Variants in NEDD4L observed in about 807,000 individuals in gnomAD.
NEDD4L encodes the protein NEDD4 like E3 ubiquitin protein ligase.
A neutral mutation model predicts 148.9 loss-of-function variants in NEDD4L; 54 were observed. The ratio of observed to expected loss-of-function variants is 0.36; its 90% confidence interval spans 0.29 to 0.45. The LOEUF is 0.45. NEDD4L is among the 20% of genes least tolerant of loss of function. The probability of loss-of-function intolerance (pLI) is 1.00; values close to 1 mark genes in which losing one functional copy is unlikely to be tolerated. For synonymous variants in NEDD4L, 433 were observed against 440.7 expected, an observed-to-expected ratio of 0.98 and a Z score of 0.22; for missense variants, 856 against 1,233.8, an observed-to-expected ratio of 0.69 and a Z score of 4.59.
At chr18:58,211,110 A>G (rs522155) in intron 2 of NEDD4L, among the ~76,000 whole-genome samples, 66,747 of 152,102 alleles carry the variant, frequency 0.44, 15,951 homozygotes, top group African/African-American at 0.64. Context: ...TAAAGGCCAT[A>G]TATGTGTACA....
At chr18:58,142,064 T>TTTTTTA (rs71173033) in intron 1 of NEDD4L, among the ~76,000 whole-genome samples, 1 of 137,794 alleles carries the variant, frequency 7.3e-6, no homozygotes, top group Admixed American at 7.3e-5. Flanking sequence ...TTTTTTTTTT[T>TTTTTTA]GAGACAGAGT....
At chr18:58,265,621 G>A (rs964782860) in intron 5 of NEDD4L, among the ~76,000 whole-genome samples, 2 of 152,002 alleles carry the variant, frequency 1.3e-5, no homozygotes, top group African/African-American at 4.8e-5. Context: ...CTGGAGTACG[G>A]TGGCGTTAAG....
chr18:58,322,783 G>A (rs1294462489), intron 7 of NEDD4L, among the ~76,000 whole-genome samples: 30 of 139,546 alleles, frequency 2.1e-4, no homozygotes, highest in Admixed American at 3.6e-4. Context: ...GTGGATATGG[G>A]TGGGTGGGGA....
intron 5 of NEDD4L, among the ~76,000 whole-genome samples, chr18:58,301,211 T>G (rs1298788922): frequency 6.6e-6 from 1 of 152,194 alleles, no homozygotes; most frequent in Non-Finnish European, 1.5e-5. Flanking sequence ...TCTGAATATA[T>G]CAGTTTAGCC....
At chr18:58,165,710 ATTACT>A (rs768414804) in intron 1 of NEDD4L, 73 bp from the exon 2 acceptor site, 12 of 1,522,034 alleles carry the variant, frequency 7.9e-6, no homozygotes, top group African/African-American at 2.7e-5. Flanking sequence ...GTAGAAATCA[ATTACT>A]TTAATATTGG....
chr18:58,167,454 G>T (rs2037001094), intron 2 of NEDD4L, among the ~76,000 whole-genome samples: 1 of 152,154 alleles, frequency 6.6e-6, no homozygotes, highest in Non-Finnish European at 1.5e-5. Flanking sequence ...CCCACCTTAT[G>T]CCCTGCCTTT....
At chr18:58,287,094 C>CTTTTTTTTT (rs577731926) in intron 5 of NEDD4L, among the ~76,000 whole-genome samples, 2 of 136,534 alleles carry the variant, frequency 1.5e-5, no homozygotes, top group Non-Finnish European at 1.6e-5. Context: ...ACTTCTTTTT[C>CTTTTTTTTT]TTTTTTTTTT....
rs375070582 is a variant in NEDD4L, at chr18:58,376,924, A to G, written c.2352+3655A>G. On this transcript the variant is annotated intron_variant, in intron 24 of 30. Coordinates refer to ENST00000400345, the MANE Select transcript of NEDD4L (RefSeq NM_001144967.3). ...GCTTTCTCTTCCATCTGTTGGGAGC[A>G]TACTCCCTCCCAGTCTCAGTTCAGG... is the stretch of plus-strand genomic sequence containing the variant. 3.3e-4 allele frequency among the ~76,000 whole-genome samples: 50 copies of G among 152,280 alleles called. No homozygotes were observed. In the East Asian group the frequency reaches 6.7e-3, roughly 21 times the overall value.
At chr18:58,048,375 A>G (rs965753215) in intron 1 of NEDD4L, among the ~76,000 whole-genome samples, 1 of 152,108 alleles carries the variant, frequency 6.6e-6, no homozygotes, top group East Asian at 1.9e-4. Context: ...GCGCCATGAG[A>G]GCAAAGTGCT....
At chr18:58,241,634 T>G (rs1159313035) in intron 2 of NEDD4L, among the ~76,000 whole-genome samples, 1 of 151,826 alleles carries the variant, frequency 6.6e-6, no homozygotes, top group Non-Finnish European at 1.5e-5. Flanking sequence ...GGACCACTGC[T>G]GCTGACTGCT....
intron 19 of NEDD4L, among the ~76,000 whole-genome samples, chr18:58,357,782 A>G (rs2044887112): frequency 6.6e-6 from 1 of 152,210 alleles, no homozygotes; most frequent in Admixed American, 6.5e-5. Context: ...GTGGAAAAAG[A>G]ATCAATTCTG....
intron 1 of NEDD4L, among the ~76,000 whole-genome samples, chr18:58,161,684 AG>A (rs999211194): frequency 4.6e-5 from 7 of 152,150 alleles, no homozygotes; most frequent in African/African-American, 1.7e-4. Context: ...AAACAGAAAA[AG>A]TCTCATCTCC....
At chr18:58,384,141 T>C (rs1353938734) in intron 25 of NEDD4L, among the ~76,000 whole-genome samples, 1 of 152,224 alleles carries the variant, frequency 6.6e-6, no homozygotes, top group African/African-American at 2.4e-5. Flanking sequence ...CATTTGGAAT[T>C]GGTCAGAGGT....
intron 1 of NEDD4L, among the ~76,000 whole-genome samples, chr18:58,139,382 A>C: frequency 6.6e-6 from 1 of 150,836 alleles, no homozygotes; most frequent in Non-Finnish European, 1.5e-5. Context: ...ATACTTAATG[A>C]ACCAAAACTC....
At chr18:58,234,010 G>A (rs984945363) in intron 2 of NEDD4L, among the ~76,000 whole-genome samples, 11 of 151,934 alleles carry the variant, frequency 7.2e-5, no homozygotes, top group African/African-American at 2.7e-4. Context: ...AGTCATATTG[G>A]ATCAGGGCTC....
intron 2 of NEDD4L, among the ~76,000 whole-genome samples, chr18:58,169,874 G>A (rs2037351114): frequency 2.0e-5 from 3 of 152,240 alleles, no homozygotes; most frequent in Admixed American, 6.5e-5. Context: ...GGGTGCCCAT[G>A]ACCCCTGGGA....
At chr18:58,183,766 G>C (rs572324037) in intron 2 of NEDD4L, among the ~76,000 whole-genome samples, 2 of 152,306 alleles carry the variant, frequency 1.3e-5, no homozygotes, top group South Asian at 4.1e-4. Context: ...AAGACTTTTT[G>C]TTATCCTGAA....
intron 5 of NEDD4L, among the ~76,000 whole-genome samples, chr18:58,255,255 C>A (rs1840758684): frequency 6.6e-6 from 1 of 151,710 alleles, no homozygotes; most frequent in Non-Finnish European, 1.5e-5. Context: ...CCTGCTGGGG[C>A]CACTCCTTTC....
chr18:58,274,903 G>A (rs1204646172), intron 5 of NEDD4L, among the ~76,000 whole-genome samples: 4 of 152,186 alleles, frequency 2.6e-5, no homozygotes, highest in African/African-American at 9.7e-5. Context: ...ATAATAATTT[G>A]ATTTCTGTAG....
Sources: allele counts gnomAD v4.1 joint callset (sites outside exome capture counted in the v4.1 genomes callset), GRCh38; gene constraint gnomAD v4.1.1; transcripts MANE v1.5; gene names NCBI Gene and HGNC (gene_info 2026-07-23, HGNC 2026-07-21).